The following DYNC1I1 variants were observed in gnomAD, a reference collection of about 807,000 sequenced individuals.
DYNC1I1 encodes the protein cytoplasmic dynein 1 intermediate chain 1.
DYNC1I1 carries 43 observed loss-of-function variants against 86.6 expected under a neutral mutation model. The ratio of observed to expected loss-of-function variants is 0.50; its 90% confidence interval spans 0.39 to 0.64. DYNC1I1 has a LOEUF of 0.64. Ranked by LOEUF, DYNC1I1 falls within the 30% of genes least tolerant of loss-of-function variation. The pLI, the probability that DYNC1I1 is intolerant of heterozygous loss-of-function variation, is 0.00. For missense variants in DYNC1I1, 604 were observed against 788.8 expected, an observed-to-expected ratio of 0.77 and a Z score of 2.81; for synonymous variants, 262 against 283.7, an observed-to-expected ratio of 0.92 and a Z score of 0.77.
chr7:96,046,690 T>C (rs1380723527), intron 14 of DYNC1I1, among the ~76,000 whole-genome samples: 1 of 152,166 alleles, frequency 6.6e-6, no homozygotes, highest in African/African-American at 2.4e-5. Context: ...GCAGTGAGCT[T>C]GTGGAGGAGA....
chr7:96,063,107 ATGTGTG>A (rs983610560), intron 14 of DYNC1I1, among the ~76,000 whole-genome samples: 5 of 129,102 alleles, frequency 3.9e-5, no homozygotes, highest in African/African-American at 1.0e-4. Flanking sequence ...GTGTATATAT[ATGTGTG>A]TGTGTGTGTG....
intron 6 of DYNC1I1, among the ~76,000 whole-genome samples, chr7:95,945,716 T>C (rs1363610958): frequency 6.6e-6 from 1 of 152,142 alleles, no homozygotes; most frequent in African/African-American, 2.4e-5. Context: ...ATATCTTTTC[T>C]AGTGGAGGAT....
rs117275066 is a variant in DYNC1I1, at chr7:95,933,396, G to T, written c.491-44116G>T. ...GTATTAAAGTATCATTAGAAAGGAAGCAGCCTCAGATGAAGCCATTTTAGC... is the reference window on the plus strand; with the variant it reads ...GTATTAAAGTATCATTAGAAAGGAATCAGCCTCAGATGAAGCCATTTTAGC... On this transcript the variant is annotated intron_variant, in intron 6 of 16. Coordinates refer to ENST00000447467, the MANE Select transcript of DYNC1I1 (RefSeq NM_001135556.2). 7.5e-4 allele frequency among the ~76,000 whole-genome samples: 114 copies of T among 152,218 alleles called. No individual in the cohort carries two copies. In the East Asian group the frequency reaches 0.021, roughly 28 times the overall value.
chr7:96,100,650 TTGTGTGTGTGTGTG>T (rs57129262), downstream of DYNC1I1, among the ~76,000 whole-genome samples: 1 of 142,848 alleles, frequency 7.0e-6, no homozygotes, highest in Non-Finnish European at 1.5e-5. Context: ...TTTGAGGGTT[TTGTGTGTGTGTGTG>T]TGTGTGTGTG....
At chr7:95,987,943 G>A (rs548684112) in intron 9 of DYNC1I1, among the ~76,000 whole-genome samples, 5 of 152,086 alleles carry the variant, frequency 3.3e-5, no homozygotes, top group Non-Finnish European at 5.9e-5. Flanking sequence ...AGTCTGTCAC[G>A]AAGACTTTCC....
chr7:95,871,076 C>A (rs989246170), intron 6 of DYNC1I1, among the ~76,000 whole-genome samples: 69 of 152,208 alleles, frequency 4.5e-4, no homozygotes, highest in African/African-American at 1.6e-3. Context: ...TTTGTTTATG[C>A]AAGCTACAGG....
intron 6 of DYNC1I1, among the ~76,000 whole-genome samples, chr7:95,960,784 G>T (rs550095566): frequency 6.6e-6 from 1 of 152,300 alleles, no homozygotes; most frequent in African/African-American, 2.4e-5. Flanking sequence ...ATGAATACAA[G>T]CAGCCAAGCC....
At chr7:95,956,303 G>A (rs1792708042) in intron 6 of DYNC1I1, among the ~76,000 whole-genome samples, 1 of 151,782 alleles carries the variant, frequency 6.6e-6, no homozygotes, top group African/African-American at 2.4e-5. Flanking sequence ...CTGCAGAGAA[G>A]GTGGCTGTAC....
At position 96,098,008 on chromosome 7, in the gene DYNC1I1, G is replaced by A. The variant is rs565418249; in HGVS notation, c.*415G>A. On this transcript the variant is annotated 3_prime_UTR_variant, in exon 17 of 17. Transcript: ENST00000447467. ...CCTCATATTATGGTACAGGGCCAAA[G>A]ACTTGAGACGTGGTGTTTTACATGG... 4 of 991,954 alleles carry A rather than the reference G, an allele frequency of 4.0e-6. No homozygotes were observed. In the South Asian group the frequency reaches 1.8e-4, roughly 46 times the overall value. The allele number at this position is 991,954 out of a possible 1,614,324, so 61.4% of individuals were successfully genotyped here.
At chr7:95,939,995 G>A (rs1021822568) in intron 6 of DYNC1I1, among the ~76,000 whole-genome samples, 5 of 152,010 alleles carry the variant, frequency 3.3e-5, no homozygotes, top group African/African-American at 1.2e-4. Context: ...CAGGCCTGGT[G>A]GTGACAAAAT....
chr7:96,050,855 A>C (rs1789384938), intron 14 of DYNC1I1, among the ~76,000 whole-genome samples: 1 of 152,180 alleles, frequency 6.6e-6, no homozygotes, highest in African/African-American at 2.4e-5. Context: ...GATAGTAAAA[A>C]AACTACATAT....
chr7:95,790,028 A>C (rs756524303), intron 1 of DYNC1I1, among the ~76,000 whole-genome samples: 4 of 152,168 alleles, frequency 2.6e-5, no homozygotes, highest in Non-Finnish European at 5.9e-5. Context: ...ATGTTTTAAA[A>C]GGCTGATGTA....
At chr7:95,933,100 C>G (rs1344994907) in intron 6 of DYNC1I1, among the ~76,000 whole-genome samples, 2 of 152,044 alleles carry the variant, frequency 1.3e-5, no homozygotes, top group Non-Finnish European at 2.9e-5. Context: ...CCAGGCTGGT[C>G]TCAAAATCCT....
At chr7:95,910,882 C>T (rs1017046467) in intron 6 of DYNC1I1, among the ~76,000 whole-genome samples, 2 of 152,166 alleles carry the variant, frequency 1.3e-5, no homozygotes, top group Non-Finnish European at 2.9e-5. Context: ...AGAGGTTGGC[C>T]GTCGTAATAT....
chr7:95,969,448 G>T (rs1441349330), intron 6 of DYNC1I1, among the ~76,000 whole-genome samples: 3 of 152,120 alleles, frequency 2.0e-5, no homozygotes, highest in Admixed American at 6.6e-5. Flanking sequence ...GAAGAAAAAT[G>T]CATGGAAACA....
At position 95,852,315 on chromosome 7, in the gene DYNC1I1, T is replaced by C. The variant is rs572156486; in HGVS notation, c.375-17568T>C. Among the ~76,000 whole-genome samples, 11 of 152,122 alleles carry C rather than the reference T, an allele frequency of 7.2e-5. No homozygotes were observed. The South Asian group carries it at 2.3e-3, about 32-fold the overall frequency. On this transcript the variant is annotated intron_variant, in intron 5 of 16. Coordinates refer to ENST00000447467, the MANE Select transcript of DYNC1I1 (RefSeq NM_001135556.2). ...GTCATATAATTGTTCATAATAGTCT[T>C]TTATGATTCTTTGTATTTATGTTTT...
chr7:95,855,885 G>A (rs1258260374), intron 5 of DYNC1I1, among the ~76,000 whole-genome samples: 1 of 152,162 alleles, frequency 6.6e-6, no homozygotes, highest in East Asian at 1.9e-4. Flanking sequence ...TGAGTGAGTG[G>A]TAAGTGAATG....
intron 10 of DYNC1I1, among the ~76,000 whole-genome samples, chr7:96,009,526 C>A (rs1374435635): frequency 6.6e-6 from 1 of 152,168 alleles, no homozygotes; most frequent in African/African-American, 2.4e-5. Context: ...TTCTCTCCCC[C>A]AAAGTGTGTA....
intron 1 of DYNC1I1, among the ~76,000 whole-genome samples, chr7:95,781,334 C>A (rs1039536166): frequency 6.6e-6 from 1 of 152,182 alleles, no homozygotes; most frequent in Non-Finnish European, 1.5e-5. Flanking sequence ...AATCCCATAT[C>A]TTATGCCAGA....
Sources: allele counts gnomAD v4.1 joint callset (sites outside exome capture counted in the v4.1 genomes callset), GRCh38; gene constraint gnomAD v4.1.1; transcripts MANE v1.5; gene names NCBI Gene and HGNC (gene_info 2026-07-23, HGNC 2026-07-21).